The following STARD9 variants were observed in gnomAD, a reference collection of about 807,000 sequenced individuals.
STARD9 encodes the protein stAR-related lipid transfer protein 9.
STARD9 carries 346 observed loss-of-function variants against 399.8 expected under a neutral mutation model. That is an observed-to-expected ratio of 0.87 (90% CI 0.79 to 0.95). STARD9 has a LOEUF of 0.95. STARD9 is among the 40% of genes least tolerant of loss of function. The probability of loss-of-function intolerance (pLI) is 0.00; values close to 1 mark genes in which losing one functional copy is unlikely to be tolerated. For missense variants in STARD9, 5,832 were observed against 5,667.5 expected (o/e 1.03, Z -0.93); for synonymous variants, 2,203 against 2,143.5 (o/e 1.03, Z -0.77).
rs906788541 is a variant in STARD9, at chr15:42,703,371, T to G, written c.13284+7491T>G. ...TTTGTTTTTTTTGTTTTGTTTGTTT[T>G]TTTTTTTTTTAGATGGAGTCTTGCA... On this transcript the variant is annotated intron_variant, in intron 26 of 32. Transcript: ENST00000290607. Among the ~76,000 whole-genome samples the G allele has an allele frequency of 8.6e-5, 13 of 151,822 alleles. 1 individual carries two copies. The highest frequency in any genetic ancestry group is 2.1e-4 in the South Asian group (1 of 4,802).
intron 3 of STARD9, among the ~76,000 whole-genome samples, chr15:42,608,132 G>C (rs559872238): frequency 3.8e-4 from 58 of 152,246 alleles, no homozygotes; most frequent in African/African-American, 1.2e-3. Flanking sequence ...TTGTTTGCTT[G>C]GTTGAAGTGA....
intron 15 of STARD9, among the ~76,000 whole-genome samples, chr15:42,668,757 A>T (rs1203750484): frequency 6.6e-6 from 1 of 152,160 alleles, no homozygotes; most frequent in African/African-American, 2.4e-5. Context: ...TGTAGGTCAT[A>T]AAAGGGTTCC....
intron 1 of STARD9, chr15:42,581,032 C>A (rs1272587671): frequency 2.1e-6 from 1 of 480,194 alleles, no homozygotes; most frequent in Non-Finnish European, 3.9e-6. Flanking sequence ...GCTGGTATTG[C>A]CTCTTCTGTC....
chr15:42,606,646 A>G (rs2058729672), intron 3 of STARD9, among the ~76,000 whole-genome samples: 1 of 142,384 alleles, frequency 7.0e-6, no homozygotes. Context: ...TTTTTTTTTT[A>G]AGATGGAGTT....
chr15:42,712,118 A>T (rs1257863989), intron 26 of STARD9, among the ~76,000 whole-genome samples: 1 of 43,868 alleles, frequency 2.3e-5, no homozygotes, highest in Non-Finnish European at 3.3e-5. Context: ...TATAATATAT[A>T]ATATATATAT....
intron 3 of STARD9, among the ~76,000 whole-genome samples, chr15:42,614,209 G>A (rs2058911092): frequency 6.6e-6 from 1 of 151,884 alleles, no homozygotes; most frequent in Admixed American, 6.6e-5. Flanking sequence ...TACTTGGGAG[G>A]CTGAGGGAGG....
intron 3 of STARD9, among the ~76,000 whole-genome samples, chr15:42,625,243 T>A (rs1031242454): frequency 2.0e-5 from 3 of 151,500 alleles, no homozygotes; most frequent in Non-Finnish European, 4.4e-5. Flanking sequence ...GCCAGGCTAG[T>A]CTCATATTTC....
intron 7 of STARD9, among the ~76,000 whole-genome samples, chr15:42,647,996 A>G (rs981505165): frequency 1.3e-5 from 2 of 152,154 alleles, no homozygotes; most frequent in African/African-American, 4.8e-5. Flanking sequence ...AACCTTTTGG[A>G]CCTTATAAGA....
In STARD9 at chr15:42,716,941, C is replaced by G; in HGVS notation, c.13387C>G (p.Leu4463Val). The change falls in exon 28 of 33, where the codon CTG (leucine) becomes GTG (valine). Residue 4463 changes from leucine (L) to valine (V), a missense_variant. Around this residue, in one of 2 missense-constraint regions of STARD9, gnomAD observed 5,828 missense variants for 5,651.1 expected, o/e 1.03. Transcript: ENST00000290607. The part of the protein sequence containing the change: ...KNSAYSHRAS[L>V]GSCCCSPSSL... ...ATTTCTTGTAGGCCACAGAGCCTCC[C>G]TGGGCAGTTGCTGCTGTTCACCATC... is the stretch of plus-strand genomic sequence containing the variant. The G allele has an allele frequency of 1.3e-6, 2 of 1,537,236 alleles. No individual in the cohort carries two copies. Among genetic ancestry groups the G allele is most frequent in the South Asian group, 2.4e-5 (2 of 84,056 alleles).
chr15:42,624,736 A>G (rs1312250963), intron 3 of STARD9, among the ~76,000 whole-genome samples: 1 of 151,974 alleles, frequency 6.6e-6, no homozygotes, highest in Admixed American at 6.5e-5. Context: ...TTTCATATAG[A>G]CAGGGTTTCG....
At chr15:42,597,095 A>T (rs2058522198) in intron 3 of STARD9, among the ~76,000 whole-genome samples, 1 of 151,966 alleles carries the variant, frequency 6.6e-6, no homozygotes, top group African/African-American at 2.4e-5. Flanking sequence ...GTGTGTGTGT[A>T]TATATATTTT....
intron 3 of STARD9, among the ~76,000 whole-genome samples, chr15:42,608,798 A>G (rs2058788675): frequency 6.6e-6 from 1 of 152,232 alleles, no homozygotes; most frequent in Non-Finnish European, 1.5e-5. Flanking sequence ...TTGCCTGAAG[A>G]TCAAATATGT....
chr15:42,649,034 A>C (rs935208736), intron 7 of STARD9, among the ~76,000 whole-genome samples: 1 of 149,642 alleles, frequency 6.7e-6, no homozygotes, highest in Admixed American at 6.7e-5. Flanking sequence ...CCTAGCCTCC[A>C]TTTTTTTTTC....
At chr15:42,601,101 T>A (rs1214589944) in intron 3 of STARD9, among the ~76,000 whole-genome samples, 1 of 152,078 alleles carries the variant, frequency 6.6e-6, no homozygotes, top group Non-Finnish European at 1.5e-5. Context: ...AGCATCTGTT[T>A]AACAAAGCAC....
At chr15:42,649,989 C>T (rs1372727798) in intron 7 of STARD9, among the ~76,000 whole-genome samples, 1 of 151,578 alleles carries the variant, frequency 6.6e-6, no homozygotes, top group African/African-American at 2.4e-5. Context: ...GTCTCAGCCT[C>T]CCGAGTAGCT....
chr15:42,677,117 A>G (rs963971002), intron 20 of STARD9, among the ~76,000 whole-genome samples: 2 of 146,196 alleles, frequency 1.4e-5, no homozygotes, highest in East Asian at 2.0e-4. Context: ...AAAAAAAAAA[A>G]GCTGGGCATG....
At chr15:42,707,016 G>A (rs913290887) in intron 26 of STARD9, among the ~76,000 whole-genome samples, 27 of 151,880 alleles carry the variant, frequency 1.8e-4, no homozygotes, top group African/African-American at 6.3e-4. Flanking sequence ...TTAGAATTTT[G>A]CATCCATATT....
At position 42,663,307 on chromosome 15, in the gene STARD9, TG is replaced by T; in HGVS notation, c.896del (p.Cys299SerfsTer43). The T allele has an allele frequency of 6.5e-7, 1 of 1,534,672 alleles. No homozygotes were observed. The highest frequency in any genetic ancestry group is 8.7e-7 in the Non-Finnish European group (1 of 1,144,632). Reference protein sequence around the residue: ...LAQNSQVFSSCQSLNSSVSNG... With the variant: ...LAQNSQVFSSXQSLNSSVSNG... The stretch of plus-strand genomic sequence containing the variant: ...CCAGAACTCCCAAGTTTTCAGCAGC[TG>T]CCAGAGCCTCAACAGCTCAGTCAGC... On this transcript the variant is annotated frameshift_variant, in exon 12 of 33. Coordinates refer to ENST00000290607, the MANE Select transcript of STARD9 (RefSeq NM_020759.3). LOFTEE classifies it high-confidence loss of function.
intron 26 of STARD9, among the ~76,000 whole-genome samples, chr15:42,716,066 G>C (rs937937110): frequency 1.3e-5 from 2 of 152,152 alleles, no homozygotes; most frequent in Admixed American, 1.3e-4. Context: ...GGTGATGATG[G>C]AGGTAGGATG....
Sources: allele counts gnomAD v4.1 joint callset (sites outside exome capture counted in the v4.1 genomes callset), GRCh38; gene constraint gnomAD v4.1.1; regional missense constraint gnomAD v4.1.1; transcripts MANE v1.5; gene names NCBI Gene and HGNC (gene_info 2026-07-23, HGNC 2026-07-21).